Variants in COPS7A observed in about 807,000 individuals in gnomAD.
COPS7A encodes the protein COP9 signalosome subunit 7A.
A neutral mutation model predicts 35.2 loss-of-function variants in COPS7A; 20 were observed. The ratio of observed to expected loss-of-function variants is 0.57; its 90% CI spans 0.40 to 0.83. The LOEUF is 0.83. Ranked by LOEUF, COPS7A falls within the 40% of genes least tolerant of loss-of-function variation. COPS7A has a pLI of 0.00. For missense variants in COPS7A, 247 were observed against 347.5 expected, an observed-to-expected ratio of 0.71 and a Z score of 2.30; for synonymous variants, 139 against 141.4, an observed-to-expected ratio of 0.98 and a Z score of 0.12.
chr12:6,724,297 G>C, intron 1 of COPS7A, 118 bp downstream of exon 1: 1 of 406,192 alleles, frequency 2.5e-6, no homozygotes, highest in Non-Finnish European at 4.8e-6. Flanking sequence ...GCGCGTGCGG[G>C]GCAGCAATGG....
In COPS7A at chr12:6,730,667, A is replaced by G; in HGVS notation, c.637-2A>G. 1 of 1,614,094 alleles carries G rather than the reference A, an allele frequency of 6.2e-7. No homozygotes were observed. The highest frequency in any genetic ancestry group is 8.5e-7 in the Non-Finnish European group (1 of 1,179,976). ...CTATCCCCATTCCTTTCATCCTGGT[A>G]GGTTGCCAACCTTAAAAAAACCATT... On this transcript the variant is annotated splice_acceptor_variant, in intron 6 of 7. Transcript: ENST00000543155. LOFTEE classifies it high-confidence loss of function.
chr12:6,730,251 A>C (rs569619274), intron 5 of COPS7A, 151 bp from the exon 6 acceptor site: 3 of 665,850 alleles, frequency 4.5e-6, no homozygotes, highest in African/African-American at 3.6e-5. Flanking sequence ...TCCTGAGCTT[A>C]AGCAATTCGC....
chr12:6,729,146 G>A lies in COPS7A; in HGVS notation c.328-101G>A. On this transcript the variant is annotated intron_variant, in intron 4 of 7. Coordinates refer to ENST00000543155, the MANE Select transcript of COPS7A (RefSeq NM_001164094.2). This position sits in a 1 kb window ranked among gnomAD's most constrained non-coding sequence, Gnocchi z 4.2. ...GAAGTGATTTAGGAATGGGAGTGGA[G>A]GGCAGGTGGGCTAGGGCAGGGGGAA... 8.8e-7 allele frequency: 1 copy of A among 1,138,578 alleles called. No individual in the cohort carries two copies. Among genetic ancestry groups the A allele is most frequent in the Non-Finnish European group, 1.3e-6 (1 of 760,848 alleles). The allele number at this position is 1,138,578 out of a possible 1,614,324, so 70.5% of individuals were successfully genotyped here.
rs754363837 is a variant in COPS7A, at chr12:6,730,978, TTCTC to T, written c.789-16_789-13del. The T allele has an allele frequency of 6.2e-6, 10 of 1,601,102 alleles. No homozygotes were observed. In the South Asian group the frequency reaches 8.8e-5, roughly 14 times the overall value. The stretch of plus-strand genomic sequence containing the variant: ...CCCTGCATTCTCTCTCTCTCTCTCT[TTCTC>T]TCTCTTCTCCTTGCCAGGCTCCGAG... On this transcript the variant is annotated intron_variant, in intron 7 of 7. Coordinates refer to ENST00000543155, the MANE Select transcript of COPS7A (RefSeq NM_001164094.2).
rs1019516829 is a variant in COPS7A at position 6,724,826 on chromosome 12, G to A, written c.162+8G>A. 4.3e-6 allele frequency: 7 copies of A among 1,614,014 alleles called. No individual in the cohort carries two copies. Among genetic ancestry groups the A allele is most frequent in the Non-Finnish European group, 3.4e-6 (4 of 1,179,950 alleles). On this transcript the variant is annotated splice_region_variant and intron_variant, in intron 2 of 7. Transcript: ENST00000543155. ...ATGCCCAATGTTAGAGAGGTGGGTT[G>A]CTGGCTTGAATAGCCCTCAGAGAAG...
At position 6,731,436 on chromosome 12, in the gene COPS7A, C is replaced by T; in HGVS notation, c.*397C>T. 2 of 731,614 alleles carry T rather than the reference C, an allele frequency of 2.7e-6. 1 individual carries two copies. Among genetic ancestry groups the T allele is most frequent in the South Asian group, 8.6e-5 (2 of 23,318 alleles). The allele number at this position is 731,614 out of a possible 1,614,324, so 45.3% of individuals were successfully genotyped here. ...ATCCCTGCATGCCTGATCCCCAGTT[C>T]CTATACCCTACCCCTGACCTATTGA... On this transcript the variant is annotated 3_prime_UTR_variant, in exon 8 of 8. Transcript: ENST00000543155.
Position 6,730,499 on chromosome 12 carries a change from G to C in COPS7A, c.628G>C (p.Glu210Gln). 1 of 1,614,126 alleles carries C rather than the reference G, an allele frequency of 6.2e-7. No homozygotes were observed. Among genetic ancestry groups the C allele is most frequent in the Non-Finnish European group, 8.5e-7 (1 of 1,180,020 alleles). The change falls in exon 6 of 8, where the codon GAG (glutamate) becomes CAG (glutamine). Residue 210 changes from glutamate (E) to glutamine (Q), a missense_variant. By Grantham distance (29) the Glu-to-Gln change is conservative. Coordinates refer to ENST00000543155, the MANE Select transcript of COPS7A (RefSeq NM_001164094.2). ...GCAGCTGGGCCTGAAGCAGCAGATT[G>C]AGAGTGAGGTGAGCAGTCAGGGGAG... ...EQQLGLKQQI[E>Q]SEVANLKKTI...
rs1264562717 is a variant in COPS7A, at chr12:6,731,189, C to A, written c.*150C>A. The A allele has an allele frequency of 6.5e-7, 1 of 1,543,040 alleles. No homozygotes were observed. The highest frequency in any genetic ancestry group is 1.2e-5 in the South Asian group (1 of 85,116). On this transcript the variant is annotated 3_prime_UTR_variant, in exon 8 of 8. Coordinates refer to ENST00000543155, the MANE Select transcript of COPS7A (RefSeq NM_001164094.2). ...CCCTAACCCCAAACATAGATCACACCTTCTCTAGGGAGGAGGCAAATGTAG... is the reference window on the plus strand; with the variant it reads ...CCCTAACCCCAAACATAGATCACACATTCTCTAGGGAGGAGGCAAATGTAG...
chr12:6,729,503 G>C lies in COPS7A; in HGVS notation c.530+54G>C. 6.4e-7 allele frequency: 1 copy of C among 1,563,186 alleles called. No individual in the cohort carries two copies. Among genetic ancestry groups the C allele is most frequent in the Non-Finnish European group, 8.7e-7 (1 of 1,151,228 alleles). On this transcript the variant is annotated intron_variant, in intron 5 of 7. Transcript: ENST00000543155. This position sits in a 1 kb window ranked among gnomAD's most constrained non-coding sequence, Gnocchi z 4.2. ...TTCTCACCCTGAGAAAGAGAAAGGC[G>C]CTTCAGGGTGAGAGAGGGCAGGAGC...
rs1565468498 is a variant in COPS7A at position 6,729,803 on chromosome 12, G to A, written c.530+354G>A. 6.6e-6 allele frequency among the ~76,000 whole-genome samples: 1 copy of A among 152,034 alleles called. No individual in the cohort carries two copies. Among genetic ancestry groups the A allele is most frequent in the Non-Finnish European group, 1.5e-5 (1 of 67,996 alleles). The stretch of plus-strand genomic sequence containing the variant: ...CCTTTTCCTCTTTTTTATTTTCTTT[G>A]TGTCCCCATCTAACTTCAGGGTTTC... On this transcript the variant is annotated intron_variant, in intron 5 of 7. Transcript: ENST00000543155. The surrounding 1 kb of genome is among the most constrained non-coding windows in gnomAD (Gnocchi z 4.2).
In COPS7A at chr12:6,728,234, A is replaced by T. The variant is rs1470045521; in HGVS notation, c.250A>T (p.Asn84Tyr). 4 of 1,613,964 alleles carry T rather than the reference A, an allele frequency of 2.5e-6. No individual in the cohort carries two copies. The highest frequency in any genetic ancestry group is 3.3e-5 in the Admixed American group (2 of 59,986). ...TYADYLAEARNLPPLTEAQKN... is the reference protein window; with the variant it reads ...TYADYLAEARYLPPLTEAQKN... The stretch of plus-strand genomic sequence containing the variant: ...TCGTTTTTCCCTAGCTGAAGCCCGG[A>T]ATCTTCCTCCACTAACAGAGGCTCA... Residue 84 changes from asparagine to tyrosine, a missense_variant, in exon 4 of 8, where the codon AAT becomes TAT. Coordinates refer to ENST00000543155, the MANE Select transcript of COPS7A (RefSeq NM_001164094.2).
At chr12:6,728,986 C>G in intron 4 of COPS7A, 1 of 482,824 alleles carries the variant, frequency 2.1e-6, no homozygotes, top group Non-Finnish European at 3.8e-6. Flanking sequence ...ATGTCATTTT[C>G]TCCTTCTGTG....
In COPS7A at chr12:6,731,202, G is replaced by A. The variant is rs1565469745; in HGVS notation, c.*163G>A. The stretch of plus-strand genomic sequence containing the variant: ...CATAGATCACACCTTCTCTAGGGAG[G>A]AGGCAAATGTAGGTCATGTTTTTGT... On this transcript the variant is annotated 3_prime_UTR_variant, in exon 8 of 8. Coordinates refer to ENST00000543155, the MANE Select transcript of COPS7A (RefSeq NM_001164094.2). The A allele has an allele frequency of 6.6e-7, 1 of 1,510,658 alleles. No homozygotes were observed. Among genetic ancestry groups the A allele is most frequent in the Admixed American group, 2.2e-5 (1 of 44,688 alleles). The allele number at this position is 1,510,658 out of a possible 1,614,324, so 93.6% of individuals were successfully genotyped here. A position where few individuals can be genotyped will look rare whatever the true frequency, so the allele number is the denominator to read the frequency against.
chr12:6,724,343 C>T (rs1230066595), intron 1 of COPS7A, 164 bp downstream of exon 1: 2 of 470,932 alleles, frequency 4.2e-6, no homozygotes, highest in Non-Finnish European at 8.2e-6. Context: ...GGACACCATG[C>T]GACACCCATT....
intron 3 of COPS7A, 47 bp downstream of exon 3, chr12:6,728,048 G>T: frequency 1.3e-6 from 2 of 1,586,870 alleles, no homozygotes; most frequent in East Asian, 4.5e-5. Flanking sequence ...TGGGAGAAGG[G>T]CAATTTCTGG....
At chr12:6,726,779 G>A (rs1941268003) in intron 2 of COPS7A, among the ~76,000 whole-genome samples, 1 of 151,646 alleles carries the variant, frequency 6.6e-6, no homozygotes, top group African/African-American at 2.4e-5. Flanking sequence ...AGAAAAAGAA[G>A]CACTTATTAA....
intron 2 of COPS7A, 113 bp from the exon 3 acceptor site, chr12:6,727,813 A>T (rs78534388): frequency 0.028 from 25,577 of 898,236 alleles, 592 homozygotes; most frequent in Middle Eastern, 0.085. Context: ...GAGCCAGGAG[A>T]GTTAACATTG....
At chr12:6,730,620 G>C (rs1941367715) in intron 6 of COPS7A, 49 bp from the exon 7 acceptor site, 2 of 1,612,172 alleles carry the variant, frequency 1.2e-6, no homozygotes, top group Non-Finnish European at 1.7e-6. Context: ...GCAGGGGCTG[G>C]AAGGTTCTGG....
chr12:6,730,321 G>C (rs1565468814), intron 5 of COPS7A, 81 bp from the exon 6 acceptor site: 1 of 1,365,240 alleles, frequency 7.3e-7, no homozygotes, highest in Non-Finnish European at 1.0e-6. Context: ...CCTGCCTCTA[G>C]GGTTCTTTTT....
Sources: allele counts gnomAD v4.1 joint callset (sites outside exome capture counted in the v4.1 genomes callset), GRCh38; gene constraint gnomAD v4.1.1; non-coding constraint Gnocchi (gnomAD v3.1); transcripts MANE v1.5; gene names NCBI Gene and HGNC (gene_info 2026-07-23, HGNC 2026-07-21).